The following PRXL2C variants were observed in gnomAD, a reference collection of about 807,000 sequenced individuals.
The protein encoded by PRXL2C is peroxiredoxin-like 2C.
A neutral mutation model predicts 24.9 loss-of-function variants in PRXL2C; 38 were observed. The ratio of observed to expected loss-of-function variants is 1.53; its 90% CI spans 1.18 to 2.00. The LOEUF (loss-of-function observed/expected upper bound fraction) is 2.00. Among genes scored for constraint, PRXL2C ranks in the 30% most tolerant of loss-of-function variants. PRXL2C has a pLI of 0.00. For missense variants in PRXL2C, 294 were observed against 290.9 expected (o/e 1.01, Z -0.08); for synonymous variants, 98 against 117.2 (o/e 0.84, Z 1.06).
At chr9:96,654,169 C>G (rs1416002485) in intron 2 of PRXL2C, among the ~76,000 whole-genome samples, 1 of 152,118 alleles carries the variant, frequency 6.6e-6, no homozygotes, top group Non-Finnish European at 1.5e-5. Flanking sequence ...GTTATTTTTT[C>G]ACATCCTGAT....
intron 2 of PRXL2C, among the ~76,000 whole-genome samples, chr9:96,653,297 T>C (rs968853032): frequency 6.6e-6 from 1 of 152,012 alleles, no homozygotes; most frequent in African/African-American, 2.4e-5. Context: ...ATTTTTCTGT[T>C]ATTTGCGACA....
At chr9:96,655,006 A>G in intron 1 of PRXL2C, 84 bp downstream of exon 1, 1 of 1,381,086 alleles carries the variant, frequency 7.2e-7, no homozygotes, top group South Asian at 1.5e-5. Context: ...TTCCGTCCTA[A>G]GAAGCAGGAG....
At position 96,651,851 on chromosome 9, in the gene PRXL2C, G is replaced by A. The variant is rs1001798736; in HGVS notation, c.262-139C>T. ...GGAATGGAATACACAGCAAAATTGT[G>A]TGAGTTAATGCAAAGATATGTATAG... On this transcript the variant is annotated intron_variant, in intron 2 of 5. Transcript: ENST00000375234. 11 of 605,770 alleles carry A rather than the reference G, an allele frequency of 1.8e-5. No homozygotes were observed. In the South Asian group the frequency reaches 3.0e-4, roughly 17 times the overall value. The allele number at this position is 605,770 out of a possible 1,614,324, so 37.5% of individuals were successfully genotyped here. A position where few individuals can be genotyped will look rare whatever the true frequency, so the allele number is the denominator to read the frequency against.
chr9:96,652,639 C>T (rs1848284398), intron 2 of PRXL2C, among the ~76,000 whole-genome samples: 1 of 151,994 alleles, frequency 6.6e-6, no homozygotes, highest in African/African-American at 2.4e-5. Context: ...TGTTAAATGG[C>T]TATCAGTAAG....
chr9:96,645,812 G>C, intron 5 of PRXL2C, 81 bp downstream of exon 5: 9 of 1,339,268 alleles, frequency 6.7e-6, no homozygotes, highest in African/African-American at 1.5e-5. Flanking sequence ...AAAAAAAAAA[G>C]GAAAAGAAAA....
rs1428196264 is a variant in PRXL2C, at chr9:96,639,888, T to A, written c.*1871A>T. 6.6e-6 allele frequency: 1 copy of A among 151,166 alleles called. No individual in the cohort carries two copies. Among genetic ancestry groups the A allele is most frequent in the Non-Finnish European group, 1.5e-5 (1 of 67,818 alleles). The allele number at this position is 151,166 out of a possible 1,614,324, so 9.4% of individuals were successfully genotyped here. On this transcript the variant is annotated 3_prime_UTR_variant, in exon 6 of 6. Transcript: ENST00000375234. Reference sequence around the variant, plus strand: ...CAGGCAGATCACCTGAGGTCGGGAGTTCGAGACCAGCCTGACCGACATGGA... The same window carrying A: ...CAGGCAGATCACCTGAGGTCGGGAGATCGAGACCAGCCTGACCGACATGGA...
rs1369578485 is a variant in PRXL2C at position 96,640,080 on chromosome 9, T to G, written c.*1679A>C. The G allele has an allele frequency of 5.2e-5, 7 of 134,396 alleles. No individual in the cohort carries two copies. Among genetic ancestry groups the G allele is most frequent in the African/African-American group, 1.8e-4 (6 of 32,908 alleles). The allele number at this position is 134,396 out of a possible 1,614,324, so 8.3% of individuals were successfully genotyped here. ...TGCACTCCATCCTGTGCAACAAGAG[T>G]GAAACTCCGTCTCAAAAAAAAAAAA... On this transcript the variant is annotated 3_prime_UTR_variant, in exon 6 of 6. Transcript: ENST00000375234.
In PRXL2C at chr9:96,641,775, GA is replaced by G; in HGVS notation, c.664del (p.Ser222GlnfsTer21). 1 of 1,574,450 alleles carries G rather than the reference GA, an allele frequency of 6.4e-7. No homozygotes were observed. Among genetic ancestry groups the G allele is most frequent in the Non-Finnish European group, 8.7e-7 (1 of 1,151,382 alleles). Reference protein sequence around the residue: ...VQHVNFTNRPSVIHV With the variant: ...VQHVNFTNRPXVIHV ...CATTTTAAGTCACACATGGATAACT[GA>G]AGGTCTGTTTGTAAAGTTCACATGC... On this transcript the variant is annotated frameshift_variant, in exon 6 of 6. Coordinates refer to ENST00000375234, the MANE Select transcript of PRXL2C (RefSeq NM_153698.2). LOFTEE classifies it high-confidence loss of function.
At position 96,651,687 on chromosome 9, in the gene PRXL2C, A is replaced by C. The variant is rs772082668; in HGVS notation, c.287T>G (p.Ile96Ser). ...LQEANVTLIV[I>S]GQSSYHHIEP... ...AATATGATGGTAGGATGACTGTCCA[A>C]TCACTATAAGGGTGACATTTGCTTC... The change falls in exon 3 of 6, where the codon ATT becomes AGT. Residue 96 changes from isoleucine (I) to serine (S), a missense_variant. Ile to Ser is a moderately radical substitution (Grantham distance 142, BLOSUM62 -2). Coordinates refer to ENST00000375234, the MANE Select transcript of PRXL2C (RefSeq NM_153698.2). The C allele has an allele frequency of 3.7e-6, 6 of 1,610,912 alleles. No individual in the cohort carries two copies. The highest frequency in any genetic ancestry group is 3.3e-5 in the Admixed American group (2 of 59,874).
chr9:96,647,154 G>A (rs1385209857), intron 4 of PRXL2C, among the ~76,000 whole-genome samples: 1 of 152,102 alleles, frequency 6.6e-6, no homozygotes, highest in African/African-American at 2.4e-5. Flanking sequence ...GAGACATGGG[G>A]GCTTAGCTGT....
At chr9:96,654,861 G>A in intron 1 of PRXL2C, 88 bp from the exon 2 acceptor site, 2 of 1,365,420 alleles carry the variant, frequency 1.5e-6, no homozygotes, top group Admixed American at 2.5e-5. Flanking sequence ...TGCGTGACGC[G>A]AGCAAAGGCG....
intron 2 of PRXL2C, among the ~76,000 whole-genome samples, chr9:96,653,240 G>A (rs59238453): frequency 0.087 from 13,016 of 149,126 alleles, 1,929 homozygotes; most frequent in African/African-American, 0.31. Context: ...AAAAAAAAAA[G>A]AAGAAAAGAA....
chr9:96,655,268 G>A lies in PRXL2C; in HGVS notation c.14C>T (p.Ala5Val), dbSNP rs1848339765. 4.0e-5 allele frequency: 43 copies of A among 1,077,722 alleles called. No individual in the cohort carries two copies. Among genetic ancestry groups the A allele is most frequent in the Non-Finnish European group, 4.7e-5 (42 of 890,958 alleles). 66.8% of individuals were successfully genotyped at this position (1,077,722 alleles called of 1,614,324 possible). The change falls in exon 1 of 6, where the codon GCC becomes GTC. Residue 5 changes from alanine to valine, a missense_variant. By Grantham distance (64) the Ala-to-Val change is moderately conservative. Coordinates refer to ENST00000375234, the MANE Select transcript of PRXL2C (RefSeq NM_153698.2). The part of the protein sequence containing the change: MAAP[A>V]PVTRQVSGAA... ...GCCGCTAACCTGCCGCGTGACCGGG[G>A]CCGGCGCGGCCATGACGCGGGGCGG...
At chr9:96,651,573 A>G in intron 3 of PRXL2C, 78 bp from the exon 4 acceptor site, 1 of 1,548,536 alleles carries the variant, frequency 6.5e-7, no homozygotes, top group Non-Finnish European at 8.9e-7. Context: ...CAGCCAACTT[A>G]GCCTACATTT....
At position 96,640,756 on chromosome 9, in the gene PRXL2C, C is replaced by G. The variant is rs369910101; in HGVS notation, c.*1003G>C. The stretch of plus-strand genomic sequence containing the variant: ...CTGAGGCAGGAGAATGGCGTGAACC[C>G]GGGAGGCGGAACTTGCAGTGAGCCG... On this transcript the variant is annotated 3_prime_UTR_variant, in exon 6 of 6. Transcript: ENST00000375234. 1.4e-5 allele frequency: 2 copies of G among 141,392 alleles called. No homozygotes were observed. The highest frequency in any genetic ancestry group is 3.0e-5 in the Non-Finnish European group (2 of 65,816). 8.8% of individuals were successfully genotyped at this position (141,392 alleles called of 1,614,324 possible). A position where few individuals can be genotyped will look rare whatever the true frequency, so the allele number is the denominator to read the frequency against.
intron 5 of PRXL2C, among the ~76,000 whole-genome samples, chr9:96,645,172 G>T (rs1848178615): frequency 6.6e-6 from 1 of 151,398 alleles, no homozygotes; most frequent in African/African-American, 2.4e-5. Context: ...GCCTCCCAAA[G>T]TGCTGGGATT....
At chr9:96,654,839 T>C in intron 1 of PRXL2C, 66 bp from the exon 2 acceptor site, 2 of 1,457,064 alleles carry the variant, frequency 1.4e-6, no homozygotes, top group Non-Finnish European at 1.9e-6. Flanking sequence ...GAAGGATCCC[T>C]GTACTTCGCC....
Position 96,641,661 on chromosome 9 carries a change from A to C in PRXL2C, c.*98T>G. On this transcript the variant is annotated 3_prime_UTR_variant, in exon 6 of 6. Transcript: ENST00000375234. ...TTCCCTAACTCCTCAAAGGCTGGGA[A>C]GGGACAGCAGGTTAGACACTGCACG... 1 of 1,246,468 alleles carries C rather than the reference A, an allele frequency of 8.0e-7. No homozygotes were observed. The highest frequency in any genetic ancestry group is 2.7e-5 in the Admixed American group (1 of 37,674). 77.2% of individuals were successfully genotyped at this position (1,246,468 alleles called of 1,614,324 possible). A position where few individuals can be genotyped will look rare whatever the true frequency, so the allele number is the denominator to read the frequency against.
intron 5 of PRXL2C, among the ~76,000 whole-genome samples, chr9:96,644,085 A>T (rs190021908): frequency 6.7e-6 from 1 of 148,652 alleles, no homozygotes; most frequent in East Asian, 2.0e-4. Flanking sequence ...GTGAGCCGAG[A>T]TTACACCACT....
Sources: allele counts gnomAD v4.1 joint callset (sites outside exome capture counted in the v4.1 genomes callset), GRCh38; gene constraint gnomAD v4.1.1; transcripts MANE v1.5; gene names NCBI Gene and HGNC (gene_info 2026-07-23, HGNC 2026-07-21).